The following KLF12 variants were observed in gnomAD, a reference collection of about 807,000 sequenced individuals.
KLF12 encodes Krueppel-like factor 12.
KLF12 carries 9 observed loss-of-function variants against 37.8 expected under a neutral mutation model. That is an observed-to-expected ratio of 0.24 (90% CI 0.14 to 0.42). The LOEUF (loss-of-function observed/expected upper bound fraction) is 0.42. Ranked by LOEUF, KLF12 falls within the 10% of genes least tolerant of loss-of-function variation. The pLI, the probability that KLF12 is intolerant of heterozygous loss-of-function variation, is 1.00. For missense variants in KLF12, 411 were observed against 516.0 expected (o/e 0.80, Z 1.97); for synonymous variants, 208 against 202.1 (o/e 1.03, Z -0.25).
chr13:73,720,379 CA>C (rs11319418), intron 6 of KLF12, among the ~76,000 whole-genome samples: 93,657 of 151,588 alleles, frequency 0.62, 29,756 homozygotes, highest in East Asian at 0.73. Context: ...TGGGAATGTG[CA>C]AGTAACTACT....
At chr13:73,825,000 C>T (rs897552327) in intron 4 of KLF12, among the ~76,000 whole-genome samples, 24 of 151,650 alleles carry the variant, frequency 1.6e-4, no homozygotes, top group Non-Finnish European at 1.5e-5. Context: ...ACCCAGGAGG[C>T]GGAGGTTGCA....
chr13:73,778,453 A>G (rs1456338956), intron 5 of KLF12, among the ~76,000 whole-genome samples: 1 of 152,122 alleles, frequency 6.6e-6, no homozygotes, highest in Non-Finnish European at 1.5e-5. Context: ...TTGACCTCTT[A>G]GGCTCAAGCG....
rs144545944 is a variant in KLF12 at position 73,694,339 on chromosome 13, C to G, written c.*1151G>C. On this transcript the variant is annotated 3_prime_UTR_variant, in exon 8 of 8. Transcript: ENST00000377669. Reference sequence around the variant, plus strand: ...GTACTCAACCAAGCAGGACAACAAACAGCAGAAAGATTACCTCAGTGCTGT... The same window carrying G: ...GTACTCAACCAAGCAGGACAACAAAGAGCAGAAAGATTACCTCAGTGCTGT... 1,725 of 152,708 alleles carry G rather than the reference C, an allele frequency of 0.011. 20 individuals are homozygous for G. Among genetic ancestry groups the G allele is most frequent in the Middle Eastern group, 0.031 (9 of 294 alleles). 9.5% of individuals were successfully genotyped at this position (152,708 alleles called of 1,614,324 possible).
At chr13:74,100,864 G>A (rs1282061070) in intron 1 of KLF12, among the ~76,000 whole-genome samples, 1 of 152,100 alleles carries the variant, frequency 6.6e-6, no homozygotes, top group Admixed American at 6.5e-5. Flanking sequence ...ACCTTCCCTT[G>A]TTTTTCAACC....
At chr13:74,296,970 T>C in the KLF12 span, among the ~76,000 whole-genome samples, 1 of 152,332 alleles carries the variant, frequency 6.6e-6, no homozygotes, top group East Asian at 1.9e-4. Flanking sequence ...TGAGCAGTTG[T>C]GATCCCAAAT....
At chr13:74,194,448 A>T in the KLF12 span, among the ~76,000 whole-genome samples, 5 of 152,324 alleles carry the variant, frequency 3.3e-5, no homozygotes, top group East Asian at 9.6e-4. Flanking sequence ...AGGTTTGGTT[A>T]TCTGGTAAGG....
intron 1 of KLF12, among the ~76,000 whole-genome samples, chr13:74,107,861 C>T (rs1029720641): frequency 6.6e-6 from 1 of 152,098 alleles, no homozygotes; most frequent in African/African-American, 2.4e-5. Flanking sequence ...AACAACTGAT[C>T]GAGACAATTG....
chr13:74,223,668 G>C, the KLF12 span, among the ~76,000 whole-genome samples: 2 of 152,150 alleles, frequency 1.3e-5, no homozygotes, highest in Non-Finnish European at 2.9e-5. Flanking sequence ...CCACTTATGT[G>C]TTGGGAAATC....
intron 2 of KLF12, among the ~76,000 whole-genome samples, chr13:73,971,138 A>G (rs1891324870): frequency 6.6e-6 from 1 of 152,256 alleles, no homozygotes; most frequent in Non-Finnish European, 1.5e-5. Flanking sequence ...AAAAATACAT[A>G]TTGATAAACA....
intron 1 of KLF12, among the ~76,000 whole-genome samples, chr13:74,032,218 T>C (rs986779426): frequency 5.3e-5 from 8 of 152,192 alleles, no homozygotes; most frequent in African/African-American, 1.2e-4. Context: ...GACTTGATCA[T>C]AGGACTCTCC....
intron 1 of KLF12, among the ~76,000 whole-genome samples, chr13:74,105,813 T>C (rs1876621319): frequency 6.6e-6 from 1 of 152,144 alleles, no homozygotes; most frequent in Non-Finnish European, 1.5e-5. Flanking sequence ...TGCCTAATTC[T>C]CTCCAAAGGA....
intron 3 of KLF12, among the ~76,000 whole-genome samples, chr13:73,904,056 T>C (rs912788372): frequency 2.6e-5 from 4 of 152,136 alleles, no homozygotes; most frequent in East Asian, 1.9e-4. Flanking sequence ...ATGACCATAA[T>C]CAGACATTTT....
chr13:73,859,796 A>T (rs1885818893), intron 3 of KLF12, among the ~76,000 whole-genome samples: 1 of 151,958 alleles, frequency 6.6e-6, no homozygotes, highest in South Asian at 2.1e-4. Flanking sequence ...ATGAGAAAAG[A>T]CGGTAGGATA....
intron 4 of KLF12, chr13:73,845,124 T>C (rs1884944243): frequency 1.3e-5 from 2 of 152,172 alleles, no homozygotes; most frequent in Admixed American, 1.3e-4. Context: ...TGATTACACA[T>C]AGTCATGTAG....
chr13:73,738,572 A>G (rs549065472), intron 6 of KLF12, among the ~76,000 whole-genome samples: 3 of 152,208 alleles, frequency 2.0e-5, no homozygotes, highest in Non-Finnish European at 4.4e-5. Context: ...GTAAATATGT[A>G]TTATGTTTGG....
intron 1 of KLF12, among the ~76,000 whole-genome samples, chr13:74,105,026 T>C (rs926905385): frequency 6.6e-6 from 1 of 152,186 alleles, no homozygotes; most frequent in African/African-American, 2.4e-5. Flanking sequence ...CACAGGGAGT[T>C]GGGTCACCAT....
intron 5 of KLF12, among the ~76,000 whole-genome samples, chr13:73,810,982 C>CTT (rs376490803): frequency 1.3e-4 from 6 of 44,818 alleles, no homozygotes; most frequent in Admixed American, 3.2e-4. Context: ...ATTTTTCTTT[C>CTT]TTTTTTTTTT....
intron 3 of KLF12, among the ~76,000 whole-genome samples, chr13:73,899,964 G>A (rs1366479276): frequency 3.3e-5 from 5 of 152,206 alleles, no homozygotes; most frequent in East Asian, 1.9e-4. Flanking sequence ...GTATCCTATC[G>A]GTTTTGATTC....
rs544148969 is a variant in KLF12, at chr13:73,858,926, A to G, written c.124-12553T>C. On this transcript the variant is annotated intron_variant, in intron 3 of 7. Transcript: ENST00000377669. ...TCAAATAAGTGTTATAAAGACTGTG[A>G]AATCAATTTTAACTGATGATTTTAA... Among the ~76,000 whole-genome samples, 7 of 152,372 alleles carry G rather than the reference A, an allele frequency of 4.6e-5. 1 individual carries two copies. The highest frequency in any genetic ancestry group is 1.7e-4 in the African/African-American group (7 of 41,592).
Sources: gnomAD v4.1 joint callset for allele counts (sites outside exome capture counted in the v4.1 genomes callset) on GRCh38, gnomAD v4.1.1 for gene constraint, MANE v1.5 for transcripts, NCBI Gene and HGNC (gene_info 2026-07-23, HGNC 2026-07-21) for gene names.